The following PCDHA9 variants were observed in gnomAD, a reference collection of about 807,000 sequenced individuals.
PCDHA9 encodes protocadherin alpha 9, also known as protocadherin alpha-9.
Under a neutral mutation model 62.0 loss-of-function variants are expected in PCDHA9, and 62 were observed. That is an observed-to-expected ratio of 1.00 (90% CI 0.81 to 1.23). The LOEUF (loss-of-function observed/expected upper bound fraction) is 1.23. Ranked by LOEUF, PCDHA9 falls within the 50% of genes most tolerant of loss-of-function variation. The pLI is 0.00. For synonymous variants in PCDHA9, 557 were observed against 567.6 expected (o/e 0.98, Z 0.27); for missense variants, 1,205 against 1,249.8 (o/e 0.96, Z 0.54).
intron 1 of PCDHA9, chr5:140,870,979 T>C: frequency 6.2e-7 from 1 of 1,613,556 alleles, no homozygotes; most frequent in Non-Finnish European, 8.5e-7. Flanking sequence ...CGTGGGGCTG[T>C]ACACGGGCGA....
chr5:140,873,634 G>C (rs1040264226), intron 1 of PCDHA9, among the ~76,000 whole-genome samples: 1 of 152,158 alleles, frequency 6.6e-6, no homozygotes, highest in Non-Finnish European at 1.5e-5. Flanking sequence ...AGGTCAAAGA[G>C]TATGTGAGAA....
intron 1 of PCDHA9, chr5:140,967,032 A>G (rs2096085772): frequency 6.2e-7 from 1 of 1,610,180 alleles, no homozygotes; most frequent in African/African-American, 1.3e-5. Context: ...AGTCCGCGCT[A>G]CCTGGAGCTG....
At chr5:140,962,854 G>A (rs1396651838) in intron 1 of PCDHA9, among the ~76,000 whole-genome samples, 7 of 152,054 alleles carry the variant, frequency 4.6e-5, no homozygotes, top group African/African-American at 9.7e-5. Flanking sequence ...ACTTGTGCTC[G>A]GTTTGTAGAG....
chr5:140,869,288 G>A lies in PCDHA9; in HGVS notation c.2394+18399G>A, dbSNP rs950790626. 6.2e-6 allele frequency: 10 copies of A among 1,613,460 alleles called. No individual in the cohort carries two copies. The highest frequency in any genetic ancestry group is 1.7e-5 in the Admixed American group (1 of 59,996). On this transcript the variant is annotated intron_variant, in intron 1 of 3. Coordinates refer to ENST00000532602, the MANE Select transcript of PCDHA9 (RefSeq NM_031857.2). ...CTGGAGCTGGCGGAGCTGGTGCAGC[G>A]CCTGTTCCGGGTGGCGTCCAAAACA...
intron 1 of PCDHA9, among the ~76,000 whole-genome samples, chr5:140,949,698 T>G (rs188313112): frequency 6.6e-6 from 1 of 151,984 alleles, no homozygotes; most frequent in African/African-American, 2.4e-5. Flanking sequence ...TTGTTGGATC[T>G]TGCTGTTTTA....
At chr5:140,966,744 T>A in intron 1 of PCDHA9, 1 of 1,424,124 alleles carries the variant, frequency 7.0e-7, no homozygotes. Flanking sequence ...CCTGCCCGGC[T>A]GCCTCCGCCG....
intron 1 of PCDHA9, chr5:140,928,095 G>T (rs782045221): frequency 1.9e-6 from 3 of 1,614,190 alleles, no homozygotes; most frequent in Non-Finnish European, 1.7e-6. Flanking sequence ...TGATTGATGG[G>T]CCCCTGGACC....
chr5:140,883,701 C>T (rs782806604), intron 1 of PCDHA9: 1 of 1,613,808 alleles, frequency 6.2e-7, no homozygotes, highest in Admixed American at 1.7e-5. Flanking sequence ...TTCACGGTGT[C>T]TGCTCAGGAC....
intron 1 of PCDHA9, chr5:140,869,097 G>T (rs1344358126): frequency 1.3e-6 from 2 of 1,595,318 alleles, no homozygotes; most frequent in Non-Finnish European, 1.7e-6. Flanking sequence ...AGCCAATTTC[G>T]TATGCGATGT....
chr5:140,947,920 A>G (rs1336638527), intron 1 of PCDHA9, among the ~76,000 whole-genome samples: 1 of 151,504 alleles, frequency 6.6e-6, no homozygotes, highest in African/African-American at 2.4e-5. Context: ...TCTTGCCTTA[A>G]CCCTGATCTT....
intron 1 of PCDHA9, chr5:140,966,627 C>G: frequency 6.3e-6 from 6 of 951,596 alleles, no homozygotes; most frequent in Non-Finnish European, 8.6e-6. Flanking sequence ...AGGGAGCGGC[C>G]CCAGGCGCTT....
chr5:140,849,509 G>A lies in PCDHA9; in HGVS notation c.1014G>A (p.Val338=). The A allele has an allele frequency of 1.3e-6, 2 of 1,596,674 alleles. No homozygotes were observed. Among genetic ancestry groups the A allele is most frequent in the Admixed American group, 1.7e-5 (1 of 59,092 alleles). The change falls in exon 1 of 4, where the codon GTG becomes GTA. Residue 338 remains valine (V), a synonymous_variant. Coordinates refer to ENST00000532602, the MANE Select transcript of PCDHA9 (RefSeq NM_031857.2). ...TGGCTGGTCATTGTACACTTCTTGT[G>A]GAAGTTGTGGATGTAAATGACAATG... ...PPLAGHCTLL[V]EVVDVNDNAP... is the part of the protein sequence containing the mutation.
chr5:140,941,225 T>TTC (rs2092914120), intron 1 of PCDHA9, among the ~76,000 whole-genome samples: 17 of 138,026 alleles, frequency 1.2e-4, no homozygotes, highest in African/African-American at 4.7e-4. Context: ...CTTTCTTTCT[T>TTC]TCTTTCTTTC....
intron 1 of PCDHA9, chr5:140,862,620 G>A (rs2047455093): frequency 1.9e-6 from 1 of 528,384 alleles, no homozygotes. Context: ...GTAACAACCC[G>A]CGGGGCTGCC....
At chr5:141,007,192 TGGTGGGGGCCAGAATATGC>T (rs1371127830) in intron 3 of PCDHA9, among the ~76,000 whole-genome samples, 1 of 151,894 alleles carries the variant, frequency 6.6e-6, no homozygotes, top group African/African-American at 2.4e-5. Flanking sequence ...AATGTTTTGA[TGGTGGGGGCCAGAATATGC>T]TGTCCCAAAA....
intron 1 of PCDHA9, among the ~76,000 whole-genome samples, chr5:140,892,451 C>A (rs782296222): frequency 1.2e-4 from 19 of 152,128 alleles, no homozygotes; most frequent in Non-Finnish European, 2.5e-4. Flanking sequence ...TACATGTATT[C>A]TTTAAGTACG....
At chr5:140,956,403 A>C (rs1475566345) in intron 1 of PCDHA9, among the ~76,000 whole-genome samples, 1 of 152,178 alleles carries the variant, frequency 6.6e-6, no homozygotes, top group African/African-American at 2.4e-5. Context: ...ATCCATTGAG[A>C]TAATCATGTG....
At chr5:140,928,495 A>G in intron 1 of PCDHA9, 2 of 1,614,206 alleles carry the variant, frequency 1.2e-6, no homozygotes, top group South Asian at 1.1e-5. Flanking sequence ...CATTCCTCCC[A>G]GAAGTGCAAC....
intron 1 of PCDHA9, among the ~76,000 whole-genome samples, chr5:140,924,901 A>AAAAAAAATAAAT (rs369245222): frequency 1.2e-5 from 1 of 80,456 alleles, no homozygotes; most frequent in Non-Finnish European, 2.7e-5. Flanking sequence ...TCTCAAAAAA[A>AAAAAAAATAAAT]AAAATAAAAT....
Sources: allele counts gnomAD v4.1 joint callset (sites outside exome capture counted in the v4.1 genomes callset), GRCh38; gene constraint gnomAD v4.1.1; transcripts MANE v1.5; gene names NCBI Gene and HGNC (gene_info 2026-07-23, HGNC 2026-07-21).